The following DCAKD variants were observed in gnomAD, a reference collection of about 807,000 sequenced individuals.
DCAKD encodes the protein dephospho-CoA kinase domain-containing protein.
DCAKD carries 15 observed loss-of-function variants against 18.7 expected under a neutral mutation model. The ratio of observed to expected loss-of-function variants is 0.80; its 90% CI spans 0.54 to 1.24. DCAKD has a LOEUF of 1.24. Ranked by LOEUF, DCAKD falls within the 50% of genes most tolerant of loss-of-function variation. The probability of loss-of-function intolerance (pLI) is 0.00; values close to 1 mark genes in which losing one functional copy is unlikely to be tolerated. For missense variants in DCAKD, 301 were observed against 322.0 expected, an observed-to-expected ratio of 0.93 and a Z score of 0.50; for synonymous variants, 130 against 133.0, an observed-to-expected ratio of 0.98 and a Z score of 0.16.
At chr17:45,041,381 G>A (rs563547364) in intron 1 of DCAKD, among the ~76,000 whole-genome samples, 66 of 150,268 alleles carry the variant, frequency 4.4e-4, no homozygotes, top group African/African-American at 1.5e-3. Flanking sequence ...GTGCGATCTC[G>A]GCTCACTGCA....
chr17:45,029,587 C>T (rs1259608838), intron 4 of DCAKD, among the ~76,000 whole-genome samples: 1 of 152,196 alleles, frequency 6.6e-6, no homozygotes, highest in East Asian at 1.9e-4. Context: ...AACAAAGTGC[C>T]TTCCTTAGCT....
intron 1 of DCAKD, among the ~76,000 whole-genome samples, chr17:45,039,707 G>A (rs2053383991): frequency 6.6e-6 from 1 of 152,224 alleles, no homozygotes; most frequent in Non-Finnish European, 1.5e-5. Flanking sequence ...GTGAGTGAGA[G>A]GGGCTGGAGT....
At chr17:45,033,899 T>C in intron 3 of DCAKD, 5 of 1,383,484 alleles carry the variant, frequency 3.6e-6, no homozygotes, top group Non-Finnish European at 4.7e-6. Context: ...TCACCAGCTC[T>C]TATTACTCCC....
Position 45,034,265 on chromosome 17 carries a change from G to T in DCAKD, c.238C>A (p.Arg80=), listed in dbSNP as rs200330941. ...TGGGTGATGGCGTTGAGCAGCTGCC[G>T]CCGGTCAGGCTGGTTAAAGATCAGG... is the stretch of plus-strand genomic sequence containing the variant. ...GDLIFNQPDR[R]QLLNAITHPE... is the part of the protein sequence containing the mutation. Residue 80 remains arginine (R), a synonymous_variant, in exon 3 of 5, where the codon CGG becomes AGG. Coordinates refer to ENST00000651974, the MANE Select transcript of DCAKD (RefSeq NM_001288655.2). 32 of 1,614,156 alleles carry T rather than the reference G, an allele frequency of 2.0e-5. No homozygotes were observed. In the South Asian group the frequency reaches 3.4e-4, roughly 17 times the overall value.
chr17:45,045,534 C>A (rs560638234), intron 1 of DCAKD, among the ~76,000 whole-genome samples: 1 of 152,024 alleles, frequency 6.6e-6, no homozygotes, highest in African/African-American at 2.4e-5. Flanking sequence ...GAGTTCAAGA[C>A]CATCCTGGCC....
chr17:45,030,534 A>G (rs1337705663), intron 3 of DCAKD, among the ~76,000 whole-genome samples: 1 of 152,262 alleles, frequency 6.6e-6, no homozygotes, highest in Non-Finnish European at 1.5e-5. Flanking sequence ...GCTGAAGCAG[A>G]GGCCTCAGGC....
intron 4 of DCAKD, among the ~76,000 whole-genome samples, chr17:45,027,640 C>T (rs2053081731): frequency 6.6e-6 from 1 of 152,068 alleles, no homozygotes; most frequent in Admixed American, 6.6e-5. Context: ...CCCCACTCAC[C>T]CACCAAAACC....
chr17:45,047,240 T>C lies in DCAKD; in HGVS notation c.-115+4121A>G, dbSNP rs2053590384. Among the ~76,000 whole-genome samples, 2 of 151,682 alleles carry C rather than the reference T, an allele frequency of 1.3e-5. 1 individual carries two copies. The highest frequency in any genetic ancestry group is 4.2e-4 in the South Asian group (2 of 4,818). ...AGCACTCTGCTCACTCTAGTAAATA[T>C]ACAAATAAACATGGATAGATACATG... is the stretch of plus-strand genomic sequence containing the variant. On this transcript the variant is annotated intron_variant, in intron 1 of 4. Transcript: ENST00000651974.
At chr17:45,050,246 G>A (rs981004739) in intron 1 of DCAKD, among the ~76,000 whole-genome samples, 5 of 151,816 alleles carry the variant, frequency 3.3e-5, no homozygotes, top group Non-Finnish European at 5.9e-5. Context: ...GTTTCACCAT[G>A]TTGACCAGGC....
rs1200461350 is a variant in DCAKD, at chr17:45,024,730, G to A, written c.405-6C>T. 3.2e-6 allele frequency: 5 copies of A among 1,561,730 alleles called. No individual in the cohort carries two copies. The highest frequency in any genetic ancestry group is 1.7e-5 in the Admixed American group (1 of 58,048). ...CCAGCTGTGTGTCCCGGTCGCTAAGGATAGGGCAAAAGGGCACTGTAGGTC... is the reference window on the plus strand; with the variant it reads ...CCAGCTGTGTGTCCCGGTCGCTAAGAATAGGGCAAAAGGGCACTGTAGGTC... On this transcript the variant is annotated splice_region_variant and splice_polypyrimidine_tract_variant and intron_variant, in intron 4 of 4. Transcript: ENST00000651974.
At chr17:45,035,480 TAAAAAAAAAAAAA>T (rs35837364) in intron 1 of DCAKD, among the ~76,000 whole-genome samples, 5 of 86,952 alleles carry the variant, frequency 5.8e-5, no homozygotes, top group African/African-American at 1.9e-4. Flanking sequence ...AGATTCCTTC[TAAAAAAAAAAAAA>T]AAAAAAAAAG....
At chr17:45,045,848 C>T (rs1024736351) in intron 1 of DCAKD, among the ~76,000 whole-genome samples, 2 of 151,752 alleles carry the variant, frequency 1.3e-5, no homozygotes, top group African/African-American at 2.4e-5. Context: ...GTTTTTGAGA[C>T]GGAGCCTTGC....
chr17:45,058,653 C>T (rs2053813728), intron 1 of DCAKD, among the ~76,000 whole-genome samples: 1 of 151,048 alleles, frequency 6.6e-6, no homozygotes, highest in Admixed American at 6.6e-5. Context: ...AACTCCTGAC[C>T]TCAGGTGATC....
intron 1 of DCAKD, among the ~76,000 whole-genome samples, chr17:45,046,376 G>T (rs1597976580): frequency 6.6e-6 from 1 of 152,102 alleles, no homozygotes. Flanking sequence ...CCAGCACTTT[G>T]GGAGGCCAAG....
chr17:45,060,970 C>T, exon 1 of DCAKD: 2 of 1,019,700 alleles, frequency 2.0e-6, no homozygotes, highest in East Asian at 9.3e-5. Flanking sequence ...TGAAATCAAA[C>T]CTCGGATTTT....
chr17:45,034,910 G>A lies in DCAKD; in HGVS notation c.-25C>T, dbSNP rs372832439. On this transcript the variant is annotated 5_prime_UTR_variant, in exon 2 of 5. Transcript: ENST00000651974. ...TCTTCCAGGAAAGAGAGCTGTCCGC[G>A]AGACTACGGAGCCAGGAGCTACAGA... is the stretch of plus-strand genomic sequence containing the variant. The A allele has an allele frequency of 3.7e-5, 60 of 1,610,830 alleles. No individual in the cohort carries two copies. Among genetic ancestry groups the A allele is most frequent in the African/African-American group, 1.3e-4 (10 of 74,884 alleles).
At chr17:45,050,611 C>T (rs761379468) in intron 1 of DCAKD, among the ~76,000 whole-genome samples, 2 of 152,088 alleles carry the variant, frequency 1.3e-5, no homozygotes, top group South Asian at 4.1e-4. Flanking sequence ...CACCCCTTTC[C>T]CCAGGCCTAT....
At chr17:45,049,928 G>A (rs1395507208) in intron 1 of DCAKD, among the ~76,000 whole-genome samples, 3 of 151,698 alleles carry the variant, frequency 2.0e-5, no homozygotes, top group Non-Finnish European at 4.4e-5. Flanking sequence ...CACCATGTTG[G>A]CCAGGCTGGT....
chr17:45,043,456 C>T (rs965570220), intron 1 of DCAKD, among the ~76,000 whole-genome samples: 4 of 152,128 alleles, frequency 2.6e-5, no homozygotes, highest in African/African-American at 7.2e-5. Context: ...GCAGGCTGGG[C>T]GGTAAGCCAA....
Sources: gnomAD v4.1 joint callset for allele counts (sites outside exome capture counted in the v4.1 genomes callset) on GRCh38, gnomAD v4.1.1 for gene constraint, MANE v1.5 for transcripts, NCBI Gene and HGNC (gene_info 2026-07-23, HGNC 2026-07-21) for gene names.